KLHDC1: variants seen among roughly 807,000 people sequenced by gnomAD.
KLHDC1 encodes the protein kelch domain containing 1.
Under a neutral mutation model 68.3 loss-of-function variants are expected in KLHDC1, and 53 were observed. The ratio of observed to expected loss-of-function variants is 0.78; its 90% confidence interval spans 0.62 to 0.98. The LOEUF is 0.98. Among genes scored for constraint, KLHDC1 ranks in the 50% least tolerant of loss-of-function variants. KLHDC1 has a pLI of 0.00. For missense variants in KLHDC1, 470 were observed against 492.3 expected (o/e 0.95, Z 0.43); for synonymous variants, 148 against 159.0 (o/e 0.93, Z 0.52).
intron 8 of KLHDC1, 115 bp downstream of exon 8, chr14:49,729,663 G>A (rs868446234): frequency 6.9e-5 from 45 of 655,052 alleles, no homozygotes; most frequent in African/African-American, 2.0e-4. Flanking sequence ...CCTTCAGATC[G>A]TATGTCTAAG....
At chr14:49,724,058 G>GT in intron 5 of KLHDC1, 106 bp downstream of exon 5, 2 of 628,584 alleles carry the variant, frequency 3.2e-6, no homozygotes, top group Non-Finnish European at 2.7e-6. Context: ...CCAATTTGTC[G>GT]TAATTGACGC....
intron 11 of KLHDC1, among the ~76,000 whole-genome samples, chr14:49,743,072 C>CAAAA (rs55778725): frequency 2.1e-4 from 12 of 58,346 alleles, no homozygotes; most frequent in African/African-American, 3.5e-4. Context: ...ACCCTGTCTC[C>CAAAA]AAAAAAAAAA....
intron 6 of KLHDC1, among the ~76,000 whole-genome samples, chr14:49,726,899 C>G (rs1888684313): frequency 6.6e-6 from 1 of 152,166 alleles, no homozygotes; most frequent in African/African-American, 2.4e-5. Context: ...GAATATGGTC[C>G]TGGTTACACA....
In KLHDC1 at chr14:49,751,667, A is replaced by G; in HGVS notation, c.1116A>G (p.Gln372=). ...ISLLPPKLLQ[Q]VLKKITFWAA... The stretch of plus-strand genomic sequence containing the variant: ...TATTACCTCCTAAACTTCTGCAACA[A>G]GTACTCAAAAAAATAACATTTTGGG... The change falls in exon 13 of 13, where the codon CAA becomes CAG. Residue 372 remains glutamine (Q), a synonymous_variant. Coordinates refer to ENST00000359332, the MANE Select transcript of KLHDC1 (RefSeq NM_172193.3). The G allele has an allele frequency of 6.2e-7, 1 of 1,607,130 alleles. No homozygotes were observed. The highest frequency in any genetic ancestry group is 8.5e-7 in the Non-Finnish European group (1 of 1,175,184).
intron 1 of KLHDC1, among the ~76,000 whole-genome samples, chr14:49,702,442 C>G (rs941982219): frequency 2.0e-5 from 3 of 152,164 alleles, no homozygotes; most frequent in African/African-American, 7.2e-5. Flanking sequence ...TGTGTTTTCT[C>G]TTTAACCTAA....
At chr14:49,732,628 T>TC in intron 8 of KLHDC1, 76 bp from the exon 9 acceptor site, 1 of 653,936 alleles carries the variant, frequency 1.5e-6, no homozygotes, top group South Asian at 2.7e-5. Context: ...GATTTTTTTT[T>TC]TAAGATCTAA....
chr14:49,719,818 A>AT (rs1445783585), intron 4 of KLHDC1, among the ~76,000 whole-genome samples: 4 of 144,518 alleles, frequency 2.8e-5, no homozygotes, highest in Non-Finnish European at 6.1e-5. Flanking sequence ...TCCTTTATTT[A>AT]TTATTATTAT....
intron 1 of KLHDC1, among the ~76,000 whole-genome samples, chr14:49,703,853 C>T (rs1401515296): frequency 6.6e-6 from 1 of 152,156 alleles, no homozygotes; most frequent in East Asian, 1.9e-4. Flanking sequence ...TGCAATTTAT[C>T]CATTCCATTA....
At position 49,729,541 on chromosome 14, in the gene KLHDC1, T is replaced by C; in HGVS notation, c.703T>C (p.Ser235Pro). ...HYLNLDTWTWSGRITINGESP... is the reference protein window; with the variant it reads ...HYLNLDTWTWPGRITINGESP... ...TCTAAACCTAGACACCTGGACTTGG[T>C]CTGGAAGGTAAGTTTGAAGTCTAAG... Residue 235 changes from serine (S) to proline (P), a missense_variant, in exon 8 of 13, where the codon TCT becomes CCT. By Grantham distance (74) the Ser-to-Pro change is moderately conservative. Transcript: ENST00000359332. 2 of 1,606,620 alleles carry C rather than the reference T, an allele frequency of 1.2e-6. No homozygotes were observed. The highest frequency in any genetic ancestry group is 2.2e-5 in the East Asian group (1 of 44,736).
In KLHDC1 at chr14:49,718,671, T is replaced by C. The variant is rs530018759; in HGVS notation, c.405-5203T>C. Reference sequence around the variant, plus strand: ...TTTTAGTAATTTGAATCTGCTCTCTTTTTTCTTAGTGCAGCTGTCTAAGCA... The same window carrying C: ...TTTTAGTAATTTGAATCTGCTCTCTCTTTTCTTAGTGCAGCTGTCTAAGCA... On this transcript the variant is annotated intron_variant, in intron 4 of 12. Transcript: ENST00000359332. Among the ~76,000 whole-genome samples the C allele has an allele frequency of 2.0e-5, 3 of 152,268 alleles. No homozygotes were observed. In the South Asian group the frequency reaches 6.2e-4, roughly 32 times the overall value.
chr14:49,703,036 G>A (rs910407416), intron 1 of KLHDC1, among the ~76,000 whole-genome samples: 2 of 151,828 alleles, frequency 1.3e-5, no homozygotes, highest in Admixed American at 6.6e-5. Context: ...CTTAATATTC[G>A]TTTCTTAAAA....
chr14:49,694,728 C>T (rs946618008), intron 1 of KLHDC1, among the ~76,000 whole-genome samples: 4 of 152,104 alleles, frequency 2.6e-5, no homozygotes, highest in Non-Finnish European at 5.9e-5. Context: ...GTGGCGGATG[C>T]TTGTAATCCC....
chr14:49,707,270 T>TTA (rs955873634), intron 1 of KLHDC1, among the ~76,000 whole-genome samples: 15 of 147,598 alleles, frequency 1.0e-4, no homozygotes, highest in African/African-American at 3.1e-4. Context: ...TTTTCTATTT[T>TTA]TATGTGTGTG....
intron 4 of KLHDC1, among the ~76,000 whole-genome samples, chr14:49,713,836 ATATATATATATATATTT>A (rs1566602971): frequency 6.4e-4 from 2 of 3,132 alleles, no homozygotes; most frequent in African/African-American, 7.5e-4. Context: ...ATATATATAT[ATATATATATATATATTT>A]TTTTTTTTTT....
In KLHDC1 at chr14:49,733,430, C is replaced by CTT. The variant is rs763516095; in HGVS notation, c.823+628_823+629dup. Among the ~76,000 whole-genome samples, 697 of 138,704 alleles carry CTT rather than the reference C, an allele frequency of 5.0e-3. 8 individuals are homozygous for CTT. The highest frequency in any genetic ancestry group is 0.017 in the African/African-American group (660 of 38,060). 91.0% of individuals were successfully genotyped at this position (138,704 alleles called of 152,430 possible). On this transcript the variant is annotated intron_variant, in intron 9 of 12. Coordinates refer to ENST00000359332, the MANE Select transcript of KLHDC1 (RefSeq NM_172193.3). The stretch of plus-strand genomic sequence containing the variant: ...TGTTTTATGTTTTCTATTTTCTTTT[C>CTT]TTTTTTTTTTTTTTTGAGATGGAGT...
At chr14:49,751,495 A>G in intron 12 of KLHDC1, 91 bp from the exon 13 acceptor site, 1 of 605,060 alleles carries the variant, frequency 1.7e-6, no homozygotes, top group East Asian at 3.3e-5. Flanking sequence ...CCAATACTAC[A>G]ATGTTAAAAA....
At chr14:49,732,152 T>C (rs961067016) in intron 8 of KLHDC1, among the ~76,000 whole-genome samples, 3 of 151,928 alleles carry the variant, frequency 2.0e-5, no homozygotes, top group Non-Finnish European at 4.4e-5. Flanking sequence ...GAGTATGCAT[T>C]GTGCATTAAC....
Position 49,707,030 on chromosome 14 carries a change from G to T in KLHDC1, c.97-2129G>T, listed in dbSNP as rs916977518. ...ATTTTTGCTTTGGTGGCCTGTGCCT[G>T]TGGGGTATCATTCAAGAAATTTTTG... On this transcript the variant is annotated intron_variant, in intron 1 of 12. Coordinates refer to ENST00000359332, the MANE Select transcript of KLHDC1 (RefSeq NM_172193.3). 5.9e-5 allele frequency among the ~76,000 whole-genome samples: 9 copies of T among 152,298 alleles called. 3 individuals carry two copies. Among genetic ancestry groups the T allele is most frequent in the Admixed American group, 6.5e-5 (1 of 15,284 alleles).
intron 1 of KLHDC1, among the ~76,000 whole-genome samples, chr14:49,702,318 A>G (rs1181179880): frequency 6.6e-6 from 1 of 152,228 alleles, no homozygotes; most frequent in Non-Finnish European, 1.5e-5. Flanking sequence ...AAGATGAGAA[A>G]GAATTCTGGC....
Sources: gnomAD v4.1 joint callset for allele counts (sites outside exome capture counted in the v4.1 genomes callset) on GRCh38, gnomAD v4.1.1 for gene constraint, MANE v1.5 for transcripts, NCBI Gene and HGNC (gene_info 2026-07-23, HGNC 2026-07-21) for gene names.